Variants in GREB1L observed in about 807,000 individuals in gnomAD.
GREB1L encodes the protein GREB1 like retinoic acid receptor coactivator, also known as GREB1-like protein.
A neutral mutation model predicts 200.8 loss-of-function variants in GREB1L; 17 were observed. That is an observed-to-expected ratio of 0.08 (90% CI 0.06 to 0.13). The LOEUF (loss-of-function observed/expected upper bound fraction) is 0.13. Among genes scored for constraint, GREB1L ranks in the 10% least tolerant of loss-of-function variants. The pLI, the probability that GREB1L is intolerant of heterozygous loss-of-function variation, is 1.00. For missense variants in GREB1L, 1,657 were observed against 2,367.7 expected (o/e 0.70, Z 6.23); for synonymous variants, 789 against 893.0 (o/e 0.88, Z 2.08).
Position 21,523,852 on chromosome 18 carries a change from A to ATGTT in GREB1L, c.*1033_*1036dup, listed in dbSNP as rs2037642552. 6.6e-6 allele frequency: 1 copy of ATGTT among 152,218 alleles called. No homozygotes were observed. Among genetic ancestry groups the ATGTT allele is most frequent in the Non-Finnish European group, 1.5e-5 (1 of 68,034 alleles). The allele number at this position is 152,218 out of a possible 1,614,324, so 9.4% of individuals were successfully genotyped here. On this transcript the variant is annotated 3_prime_UTR_variant, in exon 33 of 33. Transcript: ENST00000424526. ...GGGAAATTGAGCCATAGAAAGAGAA[A>ATGTT]TGTTTTTTTACTTAATCTTACCAGT...
At chr18:21,397,755 T>C (rs1384618854) in intron 5 of GREB1L, among the ~76,000 whole-genome samples, 1 of 152,150 alleles carries the variant, frequency 6.6e-6, no homozygotes, top group African/African-American at 2.4e-5. Context: ...GATGGTTTAA[T>C]ATAGAAGTCT....
At chr18:21,266,302 A>G (rs1200383496) in intron 1 of GREB1L, among the ~76,000 whole-genome samples, 1 of 152,238 alleles carries the variant, frequency 6.6e-6, no homozygotes, top group East Asian at 1.9e-4. Context: ...AGGGAAAATA[A>G]CATAGATGGA....
At chr18:21,251,677 T>C (rs1370699407) in intron 1 of GREB1L, among the ~76,000 whole-genome samples, 1 of 152,212 alleles carries the variant, frequency 6.6e-6, no homozygotes, top group Non-Finnish European at 1.5e-5. Context: ...CTGGGCACGG[T>C]GGCTCACACC....
At chr18:21,278,407 A>C (rs2038212611) in intron 1 of GREB1L, among the ~76,000 whole-genome samples, 1 of 149,606 alleles carries the variant, frequency 6.7e-6, no homozygotes, top group Non-Finnish European at 1.5e-5. Flanking sequence ...TAAATAAATA[A>C]ATAAATAAAT....
intron 21 of GREB1L, among the ~76,000 whole-genome samples, chr18:21,497,886 A>G (rs549856341): frequency 8.1e-6 from 1 of 123,078 alleles, no homozygotes; most frequent in Admixed American, 1.0e-4. Context: ...CAGTGGCACG[A>G]TCTCAGCTCA....
At position 21,395,275 on chromosome 18, in the gene GREB1L, T is replaced by G. The variant is rs547872435; in HGVS notation, c.356-110T>G. On this transcript the variant is annotated intron_variant, in intron 4 of 32. Coordinates refer to ENST00000424526, the MANE Select transcript of GREB1L (RefSeq NM_001142966.3). ...GTATAGGGGTATAGGGACTTTAATT[T>G]AGTCTGTAATAGTGATTCTCAAAAA... 572 of 844,156 alleles carry G rather than the reference T, an allele frequency of 6.8e-4. 16 individuals carry two copies. In the South Asian group the frequency reaches 7.3e-3, roughly 11 times the overall value. The allele number at this position is 844,156 out of a possible 1,614,324, so 52.3% of individuals were successfully genotyped here. A position where few individuals can be genotyped will look rare whatever the true frequency, so the allele number is the denominator to read the frequency against.
At chr18:21,493,894 G>T (rs1189350970) in intron 19 of GREB1L, among the ~76,000 whole-genome samples, 12 of 21,622 alleles carry the variant, frequency 5.5e-4, no homozygotes, top group South Asian at 4.1e-3. Context: ...AAAAAAAAAA[G>T]TCCTCATACA....
At chr18:21,442,201 C>G (rs1483864347) in intron 10 of GREB1L, among the ~76,000 whole-genome samples, 7 of 152,154 alleles carry the variant, frequency 4.6e-5, no homozygotes, top group Admixed American at 2.6e-4. Context: ...GCTTTTCATA[C>G]CCATTTCAGG....
chr18:21,318,344 A>G (rs2038904128), intron 1 of GREB1L, among the ~76,000 whole-genome samples: 1 of 152,190 alleles, frequency 6.6e-6, no homozygotes, highest in Non-Finnish European at 1.5e-5. Context: ...TTAAATTCAG[A>G]TGAAAACCCC....
chr18:21,361,434 C>T lies in GREB1L; in HGVS notation c.-119-4593C>T, dbSNP rs75387558. The stretch of plus-strand genomic sequence containing the variant: ...TGAATTGTTTCTAAGGTATTGCAGA[C>T]CCAAGGCTGCACAAATTAAGGTGGA... On this transcript the variant is annotated intron_variant, in intron 1 of 32. Coordinates refer to ENST00000424526, the MANE Select transcript of GREB1L (RefSeq NM_001142966.3). 7.0e-3 allele frequency among the ~76,000 whole-genome samples: 1,072 copies of T among 152,204 alleles called. 2 individuals are homozygous for T. The highest frequency in any genetic ancestry group is 0.011 in the Non-Finnish European group (750 of 67,996).
In GREB1L at chr18:21,500,069, C is replaced by T; in HGVS notation, c.3732C>T (p.Ser1244=). 1 of 1,551,664 alleles carries T rather than the reference C, an allele frequency of 6.4e-7. No homozygotes were observed. Among genetic ancestry groups the T allele is most frequent in the South Asian group, 1.2e-5 (1 of 84,058 alleles). Residue 1244 remains serine, a synonymous_variant, in exon 22 of 33, where the codon TCC becomes TCT. Coordinates refer to ENST00000424526, the MANE Select transcript of GREB1L (RefSeq NM_001142966.3). ...AAGCGGCCTACAGTCTCCTGGGCTC[C>T]CAGAAGAGTGGCAAGCTGCCATCCT... The part of the protein sequence containing the change: ...LSKAAYSLLG[S]QKSGKLPSSS...
At chr18:21,510,770 T>C (rs1175780581) in intron 27 of GREB1L, among the ~76,000 whole-genome samples, 1 of 152,164 alleles carries the variant, frequency 6.6e-6, no homozygotes, top group Non-Finnish European at 1.5e-5. Context: ...CATACTGTTT[T>C]CCATAGTGGC....
At chr18:21,430,947 T>C (rs2033101726) in intron 7 of GREB1L, among the ~76,000 whole-genome samples, 1 of 151,570 alleles carries the variant, frequency 6.6e-6, no homozygotes, top group East Asian at 1.9e-4. Flanking sequence ...CTAATTACTT[T>C]AGTGGCATCC....
chr18:21,368,518 C>T (rs2039755697), intron 2 of GREB1L, among the ~76,000 whole-genome samples: 2 of 152,114 alleles, frequency 1.3e-5, no homozygotes, highest in South Asian at 2.1e-4. Flanking sequence ...CTTTTTCTTT[C>T]AAGCAAAGTC....
intron 6 of GREB1L, 31 bp from the exon 7 acceptor site, chr18:21,403,841 T>C: frequency 6.5e-7 from 1 of 1,541,586 alleles, no homozygotes; most frequent in East Asian, 2.5e-5. Context: ...CATTGGTCAC[T>C]TCATACAATG....
Position 21,476,289 on chromosome 18 carries a change from G to T in GREB1L, c.2364-875G>T, listed in dbSNP as rs2145721870. 1.3e-5 allele frequency among the ~76,000 whole-genome samples: 2 copies of T among 152,124 alleles called. 1 individual carries two copies. The highest frequency in any genetic ancestry group is 4.2e-4 in the South Asian group (2 of 4,806). On this transcript the variant is annotated intron_variant, in intron 16 of 32. Coordinates refer to ENST00000424526, the MANE Select transcript of GREB1L (RefSeq NM_001142966.3). Reference sequence around the variant, plus strand: ...AGAATTGCAAAGCTCTTTTTCAGAAGCCAGAAAGTGTTTGATAATACTCCA... The same window carrying T: ...AGAATTGCAAAGCTCTTTTTCAGAATCCAGAAAGTGTTTGATAATACTCCA...
rs566560454 is a variant in GREB1L, at chr18:21,418,904, T to C, written c.832+14910T>C. The stretch of plus-strand genomic sequence containing the variant: ...TTTTTTAAAAAAGGAAGTACAGTCA[T>C]GTACCACATAATGATGTTTGGTCAG... On this transcript the variant is annotated intron_variant, in intron 7 of 32. Coordinates refer to ENST00000424526, the MANE Select transcript of GREB1L (RefSeq NM_001142966.3). Among the ~76,000 whole-genome samples, 3 of 152,334 alleles carry C rather than the reference T, an allele frequency of 2.0e-5. No homozygotes were observed. The East Asian group carries it at 5.8e-4, about 29-fold the overall frequency.
intron 1 of GREB1L, among the ~76,000 whole-genome samples, chr18:21,272,184 TCTC>T (rs762969925): frequency 2.6e-5 from 4 of 152,208 alleles, no homozygotes; most frequent in Non-Finnish European, 2.9e-5. Context: ...GTGAGACACT[TCTC>T]CTTGCCGTCA....
At chr18:21,301,553 T>C (rs1250520344) in intron 1 of GREB1L, among the ~76,000 whole-genome samples, 1 of 152,230 alleles carries the variant, frequency 6.6e-6, no homozygotes. Context: ...CCCCAGATGC[T>C]AGGGAAATTT....
Sources: allele counts gnomAD v4.1 joint callset (sites outside exome capture counted in the v4.1 genomes callset), GRCh38; gene constraint gnomAD v4.1.1; transcripts MANE v1.5; gene names NCBI Gene and HGNC (gene_info 2026-07-23, HGNC 2026-07-21).